Variants in PPFIBP1 observed in about 807,000 individuals in gnomAD.
PPFIBP1 encodes the protein liprin-beta-1.
In PPFIBP1, 112 loss-of-function variants were observed where a neutral mutation model predicts 137.8. That is an observed-to-expected ratio of 0.81 (90% CI 0.70 to 0.95). The LOEUF is 0.95. PPFIBP1 is among the 40% of genes least tolerant of loss of function. The probability of loss-of-function intolerance (pLI) is 0.00; values close to 1 mark genes in which losing one functional copy is unlikely to be tolerated. For synonymous variants in PPFIBP1, 378 were observed against 417.3 expected, an observed-to-expected ratio of 0.91 and a Z score of 1.15; for missense variants, 1,083 against 1,196.6, an observed-to-expected ratio of 0.91 and a Z score of 1.40.
At chr12:27,600,079 G>A (rs988553491) in intron 2 of PPFIBP1, among the ~76,000 whole-genome samples, 3 of 152,160 alleles carry the variant, frequency 2.0e-5, no homozygotes, top group Admixed American at 1.3e-4. Context: ...AAGCTGAGAG[G>A]TATATGCATA....
chr12:27,599,573 C>G, intron 2 of PPFIBP1: 1 of 450,912 alleles, frequency 2.2e-6, no homozygotes. Flanking sequence ...CTCCTTCCTT[C>G]CTTTCATCCA....
Position 27,691,897 on chromosome 12 carries a change from A to G in PPFIBP1, c.2834A>G (p.Tyr945Cys). 6.2e-7 allele frequency: 1 copy of G among 1,612,986 alleles called. No individual in the cohort carries two copies. Among genetic ancestry groups the G allele is most frequent in the Non-Finnish European group, 8.5e-7 (1 of 1,179,678 alleles). Reference sequence around the variant, plus strand: ...AAACCTGGTTTGGATATGCGCCTGTATGAGGAAGATGATTTGGACCGGTTA... The same window carrying G: ...AAACCTGGTTTGGATATGCGCCTGTGTGAGGAAGATGATTTGGACCGGTTA... The part of the protein sequence containing the change: ...GFKPGLDMRL[Y>C]EEDDLDRLEQ... Residue 945 changes from tyrosine to cysteine, a missense_variant, in exon 28 of 30, where the codon TAT becomes TGT. Physicochemically the swap from Tyr to Cys is radical, Grantham distance 194 (BLOSUM62 -2). Coordinates refer to ENST00000228425, the MANE Select transcript of PPFIBP1 (RefSeq NM_003622.4).
At chr12:27,661,599 G>T (rs1370071072) in intron 11 of PPFIBP1, among the ~76,000 whole-genome samples, 1 of 152,104 alleles carries the variant, frequency 6.6e-6, no homozygotes, top group Non-Finnish European at 1.5e-5. Context: ...TATCTAGCAG[G>T]CAGCCGCAGC....
chr12:27,584,545 A>C (rs1211138718), intron 2 of PPFIBP1: 1 of 152,238 alleles, frequency 6.6e-6, no homozygotes, highest in Admixed American at 6.5e-5. Context: ...GCCAATTCAC[A>C]TGTGTCAACT....
intron 7 of PPFIBP1, among the ~76,000 whole-genome samples, chr12:27,654,197 T>A (rs910706762): frequency 1.6e-4 from 24 of 152,242 alleles, no homozygotes; most frequent in African/African-American, 5.5e-4. Context: ...GCTTAAAGGA[T>A]TTAATTTTCA....
intron 27 of PPFIBP1, among the ~76,000 whole-genome samples, chr12:27,691,173 C>T (rs1321145625): frequency 6.7e-6 from 1 of 149,700 alleles, no homozygotes; most frequent in Non-Finnish European, 1.5e-5. Context: ...TAGCCTCACC[C>T]AAAGAAAAAA....
intron 10 of PPFIBP1, 124 bp downstream of exon 10, chr12:27,658,972 C>T (rs2059380684): frequency 2.2e-6 from 2 of 894,260 alleles, no homozygotes; most frequent in Non-Finnish European, 3.5e-6. Context: ...TCAATAAGCC[C>T]TCCATTTCTT....
intron 1 of PPFIBP1, among the ~76,000 whole-genome samples, chr12:27,573,914 C>T (rs1313050408): frequency 1.3e-5 from 2 of 150,652 alleles, no homozygotes; most frequent in East Asian, 2.0e-4. Flanking sequence ...CCCAGGCTTT[C>T]GAGGCTGTAG....
intron 10 of PPFIBP1, among the ~76,000 whole-genome samples, chr12:27,659,082 C>T (rs976933359): frequency 4.6e-5 from 7 of 152,100 alleles, no homozygotes; most frequent in Non-Finnish European, 1.0e-4. Flanking sequence ...AGTGTATAAC[C>T]GGGCACACAG....
At chr12:27,661,247 G>A (rs545803864) in intron 11 of PPFIBP1, among the ~76,000 whole-genome samples, 9 of 152,314 alleles carry the variant, frequency 5.9e-5, no homozygotes, top group African/African-American at 2.2e-4. Flanking sequence ...CTGTATGTGG[G>A]CACTGAAAAT....
intron 1 of PPFIBP1, among the ~76,000 whole-genome samples, chr12:27,574,076 C>T (rs1169179834): frequency 6.6e-6 from 1 of 151,916 alleles, no homozygotes; most frequent in Non-Finnish European, 1.5e-5. Context: ...TGTTTTCTCT[C>T]GATTTATTTG....
At chr12:27,689,439 TA>T (rs201041850) in intron 27 of PPFIBP1, among the ~76,000 whole-genome samples, 20 of 145,428 alleles carry the variant, frequency 1.4e-4, no homozygotes, top group African/African-American at 3.5e-4. Flanking sequence ...ATTGTAAGAA[TA>T]AAAAAAAAAG....
At chr12:27,608,618 A>G (rs1382900645) in intron 2 of PPFIBP1, 1 of 395,986 alleles carries the variant, frequency 2.5e-6, no homozygotes, top group East Asian at 8.5e-5. Flanking sequence ...CCTCCTTCTT[A>G]AAAATATTTC....
At chr12:27,625,994 A>G (rs568008227) in intron 2 of PPFIBP1, among the ~76,000 whole-genome samples, 1 of 152,220 alleles carries the variant, frequency 6.6e-6, no homozygotes, top group South Asian at 2.1e-4. Context: ...TTTTAAAAAA[A>G]GTATTGTAAC....
At chr12:27,658,695 T>G in intron 9 of PPFIBP1, 121 bp from the exon 10 acceptor site, 1 of 1,089,722 alleles carries the variant, frequency 9.2e-7, no homozygotes, top group Non-Finnish European at 1.4e-6. Context: ...GCTGAAAAAG[T>G]TTTTATGAGG....
At chr12:27,604,826 G>A (rs531827925) in intron 2 of PPFIBP1, among the ~76,000 whole-genome samples, 7 of 152,174 alleles carry the variant, frequency 4.6e-5, no homozygotes, top group Admixed American at 1.3e-4. Flanking sequence ...GGCTTAATGG[G>A]ACTTAACAGT....
chr12:27,579,987 G>A (rs1017599795), intron 2 of PPFIBP1, among the ~76,000 whole-genome samples: 20 of 152,164 alleles, frequency 1.3e-4, no homozygotes, highest in African/African-American at 4.8e-4. Context: ...TACAGGAAGG[G>A]ACTATGTAGG....
At chr12:27,524,697 A>G (rs1943523847) in intron 1 of PPFIBP1, among the ~76,000 whole-genome samples, 1 of 152,088 alleles carries the variant, frequency 6.6e-6, no homozygotes, top group South Asian at 2.1e-4. Flanking sequence ...GTCTGTGTGT[A>G]TTGAGGCATT....
chr12:27,611,545 A>G (rs2055112420), intron 2 of PPFIBP1, among the ~76,000 whole-genome samples: 1 of 152,196 alleles, frequency 6.6e-6, no homozygotes, highest in South Asian at 2.1e-4. Context: ...TTCAACATAT[A>G]AATTTTGAAA....
Sources: allele counts gnomAD v4.1 joint callset (sites outside exome capture counted in the v4.1 genomes callset), GRCh38; gene constraint gnomAD v4.1.1; transcripts MANE v1.5; gene names NCBI Gene and HGNC (gene_info 2026-07-23, HGNC 2026-07-21).